EHMT1: variants seen among roughly 807,000 people sequenced by gnomAD.
The protein encoded by EHMT1 is euchromatic histone lysine methyltransferase 1.
Under a neutral mutation model 147.2 loss-of-function variants are expected in EHMT1, and 15 were observed. The ratio of observed to expected loss-of-function variants is 0.10; its 90% CI spans 0.07 to 0.16. The LOEUF (loss-of-function observed/expected upper bound fraction) is 0.16. EHMT1 is among the 10% of genes least tolerant of loss of function. EHMT1 has a pLI of 1.00. For missense variants in EHMT1, 1,587 were observed against 1,772.4 expected (o/e 0.90, Z 1.88); for synonymous variants, 795 against 709.6 (o/e 1.12, Z -1.91).
intron 1 of EHMT1, among the ~76,000 whole-genome samples, chr9:137,707,917 G>A (rs564149221): frequency 2.6e-5 from 4 of 152,328 alleles, no homozygotes; most frequent in East Asian, 3.9e-4. Flanking sequence ...GAGCTGTGCC[G>A]TGGCAGGCAG....
chr9:137,827,062 G>T (rs1183181660), intron 25 of EHMT1, among the ~76,000 whole-genome samples: 1 of 152,192 alleles, frequency 6.6e-6, no homozygotes. Context: ...CTTCACACCT[G>T]TTCCATGGCA....
At chr9:137,659,694 C>T (rs1408179695) in intron 1 of EHMT1, among the ~76,000 whole-genome samples, 1 of 151,764 alleles carries the variant, frequency 6.6e-6, no homozygotes, top group Non-Finnish European at 1.5e-5. Flanking sequence ...CTGGGACCAC[C>T]TACTACTGAT....
chr9:137,709,016 G>A (rs1365786997), intron 1 of EHMT1, among the ~76,000 whole-genome samples: 3 of 152,308 alleles, frequency 2.0e-5, no homozygotes, highest in East Asian at 3.9e-4. Context: ...ACTCTCAGGC[G>A]AGCCCCCCAA....
chr9:137,817,795 A>G, intron 24 of EHMT1: 1 of 622,354 alleles, frequency 1.6e-6, no homozygotes. Flanking sequence ...GTGGTCCAGC[A>G]TGGGCAGTCA....
In EHMT1 at chr9:137,811,395, T is replaced by G. The variant is rs1388226157; in HGVS notation, c.2713-66T>G. 7.5e-6 allele frequency: 12 copies of G among 1,598,188 alleles called. No individual in the cohort carries two copies. In the East Asian group the frequency reaches 2.2e-4, roughly 30 times the overall value. ...CCGGGCACATGGGCTGCAGCTGCTG[T>G]GGCCCAGCCCCAGCACTGTGAGCCA... On this transcript the variant is annotated intron_variant, in intron 18 of 26. Transcript: ENST00000460843.
intron 23 of EHMT1, 137 bp from the exon 24 acceptor site, chr9:137,817,302 T>G (rs1954996300): frequency 1.1e-6 from 1 of 952,164 alleles, no homozygotes. Flanking sequence ...GTGAGGTGCC[T>G]GCAGCATCGA....
chr9:137,823,393 G>GCACCC, intron 25 of EHMT1: 1 of 314,736 alleles, frequency 3.2e-6, no homozygotes, highest in South Asian at 2.2e-5. Flanking sequence ...CCACCGCACC[G>GCACCC]CACCCGGCCA....
intron 16 of EHMT1, 134 bp downstream of exon 16, chr9:137,791,104 T>A: frequency 1.4e-6 from 2 of 1,441,108 alleles, no homozygotes; most frequent in Non-Finnish European, 1.9e-6. Context: ...CAGAAATAGT[T>A]CCTTCATCTC....
At chr9:137,718,695 C>G (rs966775576) in intron 3 of EHMT1, among the ~76,000 whole-genome samples, 4 of 151,802 alleles carry the variant, frequency 2.6e-5, no homozygotes, top group Non-Finnish European at 5.9e-5. Flanking sequence ...ATATTTTATT[C>G]TGACATAAAT....
intron 1 of EHMT1, among the ~76,000 whole-genome samples, chr9:137,635,397 G>A (rs1014745567): frequency 1.3e-5 from 2 of 150,482 alleles, no homozygotes; most frequent in African/African-American, 2.4e-5. Context: ...ATGTATTTTT[G>A]GTAGAGACGG....
intron 3 of EHMT1, among the ~76,000 whole-genome samples, chr9:137,721,138 A>G (rs1292310331): frequency 1.4e-5 from 2 of 147,140 alleles, no homozygotes; most frequent in African/African-American, 5.1e-5. Context: ...CCTCTCCCAG[A>G]CTTCTCACAC....
intron 1 of EHMT1, among the ~76,000 whole-genome samples, chr9:137,693,571 A>G (rs1032648302): frequency 4.0e-5 from 6 of 150,644 alleles, no homozygotes; most frequent in African/African-American, 1.5e-4. Context: ...GCTGGCCGAT[A>G]CCCCCCACAC....
At chr9:137,741,414 G>A (rs986869271) in intron 4 of EHMT1, among the ~76,000 whole-genome samples, 2 of 150,384 alleles carry the variant, frequency 1.3e-5, no homozygotes, top group African/African-American at 2.4e-5. Flanking sequence ...AAACGTCAGC[G>A]CCTTTGTGGG....
rs1360110176 is a variant in EHMT1, at chr9:137,738,202, CAACAACAAAAAAAA to C, written c.824-5154_824-5141del. The stretch of plus-strand genomic sequence containing the variant: ...GAGTGAGACTCTGTCTCAAAAAAAA[CAACAACAAAAAAAA>C]AACAACAAAAAAAACCCAAAAAAGG... On this transcript the variant is annotated intron_variant, in intron 4 of 26. Transcript: ENST00000460843. Among the ~76,000 whole-genome samples the C allele has an allele frequency of 9.5e-5, 14 of 147,750 alleles. No individual in the cohort carries two copies. The South Asian group carries it at 1.9e-3, about 21-fold the overall frequency.
intron 21 of EHMT1, 34 bp from the exon 22 acceptor site, chr9:137,814,397 T>A: frequency 6.2e-7 from 1 of 1,609,274 alleles, no homozygotes; most frequent in Non-Finnish European, 8.5e-7. Flanking sequence ...GGCCTGTGCC[T>A]GCACGTCTGA....
At position 137,760,590 on chromosome 9, in the gene EHMT1, C is replaced by T. The variant is rs139008207; in HGVS notation, c.1502-2085C>T. Among the ~76,000 whole-genome samples, 183 of 152,292 alleles carry T rather than the reference C, an allele frequency of 1.2e-3. 2 individuals are homozygous for T. In the East Asian group the frequency reaches 0.017, roughly 14 times the overall value. On this transcript the variant is annotated intron_variant, in intron 9 of 26. Coordinates refer to ENST00000460843, the MANE Select transcript of EHMT1 (RefSeq NM_024757.5). ...CAGAGTCCTTGACGGCAGCGTGGAC[C>T]GTTCACGTGCTTTTTGGCTCTTTGC...
chr9:137,742,287 A>ATT (rs1554858061), intron 4 of EHMT1, among the ~76,000 whole-genome samples: 4 of 94,486 alleles, frequency 4.2e-5, no homozygotes, highest in African/African-American at 1.4e-4. Context: ...GTAGAACCAA[A>ATT]TTTGTGTGTG....
chr9:137,713,114 C>CT (rs1458364024), intron 2 of EHMT1, among the ~76,000 whole-genome samples: 4 of 152,014 alleles, frequency 2.6e-5, no homozygotes, highest in Non-Finnish European at 4.4e-5. Flanking sequence ...GTAAGATTTT[C>CT]TTTTCTTTAG....
chr9:137,762,886 G>A (rs1949939388), intron 10 of EHMT1, 66 bp downstream of exon 10: 3 of 1,605,624 alleles, frequency 1.9e-6, no homozygotes, highest in East Asian at 4.5e-5. Context: ...GCCCAGCAGG[G>A]GCCCCGACAG....
Sources: allele counts gnomAD v4.1 joint callset (sites outside exome capture counted in the v4.1 genomes callset), GRCh38; gene constraint gnomAD v4.1.1; transcripts MANE v1.5; gene names NCBI Gene and HGNC (gene_info 2026-07-23, HGNC 2026-07-21).